Variants in A1CF observed in about 807,000 individuals in gnomAD.
The protein encoded by A1CF is APOBEC-1 stimulating protein.
In A1CF, 48 loss-of-function variants were observed where a neutral mutation model predicts 68.9. The observed-to-expected ratio is 0.70, with a 90% CI of 0.55 to 0.89. The LOEUF (loss-of-function observed/expected upper bound fraction) is 0.89. Ranked by LOEUF, A1CF falls within the 40% of genes least tolerant of loss-of-function variation. The probability of loss-of-function intolerance (pLI) is 0.00; values close to 1 mark genes in which losing one functional copy is unlikely to be tolerated. For missense variants in A1CF, 653 were observed against 718.9 expected (o/e 0.91, Z 1.05); for synonymous variants, 272 against 260.4 (o/e 1.04, Z -0.43).
chr10:50,845,967 A>C (rs1314639690), intron 3 of A1CF, among the ~76,000 whole-genome samples: 2 of 152,056 alleles, frequency 1.3e-5, no homozygotes, highest in Admixed American at 6.6e-5. Flanking sequence ...AAAAAAAAAA[A>C]AACTCCTTAT....
chr10:50,882,243 C>T (rs1005163260), intron 1 of A1CF, among the ~76,000 whole-genome samples: 2 of 152,034 alleles, frequency 1.3e-5, no homozygotes, highest in Non-Finnish European at 2.9e-5. Context: ...CGAGACCAGC[C>T]TAGCCAACAT....
At chr10:50,878,193 C>T (rs1468112209) in intron 1 of A1CF, among the ~76,000 whole-genome samples, 1 of 152,172 alleles carries the variant, frequency 6.6e-6, no homozygotes, top group Non-Finnish European at 1.5e-5. Context: ...ATTTCTACTA[C>T]AAGCCAGTGA....
At position 50,800,605 on chromosome 10, in the gene A1CF, AG is replaced by A. The variant is rs1837560415; in HGVS notation, c.*6123del. 6.6e-6 allele frequency: 1 copy of A among 152,184 alleles called. No homozygotes were observed. The highest frequency in any genetic ancestry group is 2.4e-5 in the African/African-American group (1 of 41,466). 9.4% of individuals were successfully genotyped at this position (152,184 alleles called of 1,614,324 possible). A position where few individuals can be genotyped will look rare whatever the true frequency, so the allele number is the denominator to read the frequency against. ...GTTTCTGGTATAAGAGTAGGTGCAT[AG>A]TAAACACAGGCTGATCATATATTCT... On this transcript the variant is annotated 3_prime_UTR_variant, in exon 13 of 13. Coordinates refer to ENST00000373997, the MANE Select transcript of A1CF (RefSeq NM_014576.4).
Position 50,806,417 on chromosome 10 carries a change from A to G in A1CF, c.*312T>C, listed in dbSNP as rs1382429909. ...ATCCCTCCCAAATCTTGCCAGCTAC[A>G]AGATCTCTCTTCACCCTGGCAGGAT... On this transcript the variant is annotated 3_prime_UTR_variant, in exon 13 of 13. Transcript: ENST00000373997. The G allele has an allele frequency of 5.9e-6, 1 of 170,930 alleles. No homozygotes were observed. Among genetic ancestry groups the G allele is most frequent in the Non-Finnish European group, 1.2e-5 (1 of 80,918 alleles). 10.6% of individuals were successfully genotyped at this position (170,930 alleles called of 1,614,324 possible).
intron 1 of A1CF, among the ~76,000 whole-genome samples, chr10:50,878,116 CA>C (rs1366127034): frequency 6.6e-6 from 1 of 151,394 alleles, no homozygotes; most frequent in Non-Finnish European, 1.5e-5. Flanking sequence ...AGTGAGACTC[CA>C]TCTCAAAAAG....
rs1185399478 is a variant in A1CF at position 50,836,128 on chromosome 10, C to T, written c.550G>A (p.Val184Met). The T allele has an allele frequency of 3.1e-6, 5 of 1,613,972 alleles. No homozygotes were observed. Among genetic ancestry groups the T allele is most frequent in the South Asian group, 2.2e-5 (2 of 91,074 alleles). ...GCTGCTCGATGACTCTCATACTCCA[C>T]GAAGGCAAAGCCTCGGTTTTTGGTT... ...DKTKNRGFAF[V>M]EYESHRAAAM... Residue 184 changes from valine to methionine, a missense_variant, in exon 6 of 13, where the codon GTG becomes ATG. Coordinates refer to ENST00000373997, the MANE Select transcript of A1CF (RefSeq NM_014576.4).
At chr10:50,812,299 C>T (rs1399210801) in intron 10 of A1CF, among the ~76,000 whole-genome samples, 1 of 152,182 alleles carries the variant, frequency 6.6e-6, no homozygotes, top group African/African-American at 2.4e-5. Context: ...CTGCTTCTGG[C>T]TGGAAGTTCA....
At chr10:50,838,762 C>T (rs1261198631) in intron 5 of A1CF, among the ~76,000 whole-genome samples, 4 of 152,150 alleles carry the variant, frequency 2.6e-5, no homozygotes, top group Admixed American at 6.5e-5. Flanking sequence ...GCAGGACTGA[C>T]CCAAGGCAGA....
In A1CF at chr10:50,827,852, G is replaced by GT. The variant is rs910493465; in HGVS notation, c.769+278dup. Among the ~76,000 whole-genome samples the GT allele has an allele frequency of 1.9e-3, 296 of 151,928 alleles. 1 individual carries two copies. Among genetic ancestry groups the GT allele is most frequent in the African/African-American group, 6.4e-3 (264 of 41,436 alleles). ...AAAAAAATCAGTGAATCCAGGAGCT[G>GT]TTTTTTTTAAAAGATCAACAAAATT... On this transcript the variant is annotated intron_variant, in intron 7 of 12. Transcript: ENST00000373997.
chr10:50,860,115 C>A, intron 2 of A1CF, 130 bp from the exon 3 acceptor site: 1 of 583,010 alleles, frequency 1.7e-6, no homozygotes, highest in Non-Finnish European at 3.0e-6. Flanking sequence ...CTAAGAGTTA[C>A]ATACAAACAA....
Position 50,836,321 on chromosome 10 carries a change from A to C in A1CF, c.366-9T>G. 1 of 1,607,926 alleles carries C rather than the reference A, an allele frequency of 6.2e-7. No homozygotes were observed. Among genetic ancestry groups the C allele is most frequent in the Non-Finnish European group, 8.5e-7 (1 of 1,177,828 alleles). ...CTAAGAGGCGCCCATTTCTGCAAAA[A>C]GAGCAGGGATTTTGATTGATGAGAA... On this transcript the variant is annotated splice_polypyrimidine_tract_variant and intron_variant, in intron 5 of 12. Transcript: ENST00000373997.
chr10:50,834,302 T>C (rs1839385017), intron 6 of A1CF, among the ~76,000 whole-genome samples: 1 of 152,178 alleles, frequency 6.6e-6, no homozygotes, highest in Admixed American at 6.5e-5. Context: ...GCTTCCTGCA[T>C]TGAGGGAGGA....
At chr10:50,865,388 G>T (rs73326799) in intron 1 of A1CF, among the ~76,000 whole-genome samples, 6,113 of 152,074 alleles carry the variant, frequency 0.04, 381 homozygotes, top group African/African-American at 0.14. Context: ...TTAATATTGG[G>T]AGCTAAATAA....
rs1837826659 is a variant in A1CF at position 50,806,567 on chromosome 10, A to C, written c.*162T>G. ...GATTTCATTTCAGAATAACGTTCTT[A>C]CTTCATGATTCTATAATTGGTATAA... On this transcript the variant is annotated 3_prime_UTR_variant, in exon 13 of 13. Coordinates refer to ENST00000373997, the MANE Select transcript of A1CF (RefSeq NM_014576.4). The C allele has an allele frequency of 1.9e-6, 1 of 519,644 alleles. No homozygotes were observed. The highest frequency in any genetic ancestry group is 3.0e-6 in the Non-Finnish European group (1 of 336,566). 32.2% of individuals were successfully genotyped at this position (519,644 alleles called of 1,614,324 possible). A position where few individuals can be genotyped will look rare whatever the true frequency, so the allele number is the denominator to read the frequency against.
intron 7 of A1CF, 57 bp downstream of exon 7, chr10:50,828,074 A>G: frequency 7.3e-7 from 1 of 1,372,936 alleles, no homozygotes; most frequent in African/African-American, 1.4e-5. Context: ...ACACCCTCCC[A>G]AGACTAAACC....
chr10:50,816,019 G>C lies in A1CF; in HGVS notation c.1128C>G (p.Ala376=). Reference sequence around the variant, plus strand: ...GACTGGTGTTACCTCTAACAGAAGGGGCTCGGATAATGGCTCTGTTGCTGA... The same window carrying C: ...GACTGGTGTTACCTCTAACAGAAGGCGCTCGGATAATGGCTCTGTTGCTGA... The part of the protein sequence containing the change: ...GHLSNRAIIR[A]PSVRGAAGVR... The change falls in exon 9 of 13, where the codon GCC becomes GCG. Residue 376 remains alanine, a synonymous_variant. Coordinates refer to ENST00000373997, the MANE Select transcript of A1CF (RefSeq NM_014576.4). The C allele has an allele frequency of 6.2e-7, 1 of 1,613,574 alleles. No individual in the cohort carries two copies. The highest frequency in any genetic ancestry group is 8.5e-7 in the Non-Finnish European group (1 of 1,179,688).
intron 8 of A1CF, among the ~76,000 whole-genome samples, chr10:50,818,473 G>T (rs989181479): frequency 6.6e-6 from 1 of 151,776 alleles, no homozygotes; most frequent in African/African-American, 2.4e-5. Flanking sequence ...ATATCTAGCT[G>T]CAAAAATTGG....
chr10:50,840,544 C>T (rs1205997183), intron 5 of A1CF, among the ~76,000 whole-genome samples: 4 of 152,200 alleles, frequency 2.6e-5, no homozygotes, highest in Admixed American at 6.5e-5. Context: ...ACGGTTCTCT[C>T]TCCAAGTGAA....
chr10:50,811,003 G>T (rs1838082700), intron 11 of A1CF, 37 bp downstream of exon 11: 5 of 1,594,968 alleles, frequency 3.1e-6, no homozygotes, highest in Non-Finnish European at 3.4e-6. Context: ...AGTGTATCCT[G>T]CTCTAAAATG....
Sources: gnomAD v4.1 joint callset for allele counts (sites outside exome capture counted in the v4.1 genomes callset) on GRCh38, gnomAD v4.1.1 for gene constraint, MANE v1.5 for transcripts, NCBI Gene and HGNC (gene_info 2026-07-23, HGNC 2026-07-21) for gene names.